Variants in DOCK5 observed in about 807,000 individuals in gnomAD.
The protein encoded by DOCK5 is dedicator of cytokinesis protein 5.
DOCK5 carries 142 observed loss-of-function variants against 251.8 expected under a neutral mutation model. The observed-to-expected ratio is 0.56, with a 90% CI of 0.49 to 0.65. The LOEUF is 0.65. Among genes scored for constraint, DOCK5 ranks in the 30% least tolerant of loss-of-function variants. The pLI is 0.00. For missense variants in DOCK5, 2,111 were observed against 2,312.3 expected, an observed-to-expected ratio of 0.91 and a Z score of 1.79; for synonymous variants, 842 against 835.5, an observed-to-expected ratio of 1.01 and a Z score of -0.13.
chr8:25,296,690 A>T, intron 7 of DOCK5, 42 bp downstream of exon 7: 1 of 1,601,058 alleles, frequency 6.2e-7, no homozygotes, highest in Non-Finnish European at 8.5e-7. Flanking sequence ...CTGAGGTTCC[A>T]TTTTTGCCTT....
At chr8:25,353,963 G>A (rs776526582) in intron 27 of DOCK5, among the ~76,000 whole-genome samples, 11 of 149,530 alleles carry the variant, frequency 7.4e-5, no homozygotes, top group Non-Finnish European at 1.5e-4. Flanking sequence ...TGGAGGTTGA[G>A]GTTGCAATGA....
chr8:25,310,589 A>T lies in DOCK5; in HGVS notation c.1318+57A>T, dbSNP rs371343115. On this transcript the variant is annotated intron_variant, in intron 13 of 51. Coordinates refer to ENST00000276440, the MANE Select transcript of DOCK5 (RefSeq NM_024940.8). ...TCCTCCTGTTCAGCGATTATTTCTTATTGGACGGTGGAGGCAACTTGGATC... is the reference window on the plus strand; with the variant it reads ...TCCTCCTGTTCAGCGATTATTTCTTTTTGGACGGTGGAGGCAACTTGGATC... 5.9e-6 allele frequency: 9 copies of T among 1,518,942 alleles called. No homozygotes were observed. In the East Asian group the frequency reaches 1.6e-4, roughly 27 times the overall value. 94.1% of individuals were successfully genotyped at this position (1,518,942 alleles called of 1,614,324 possible).
chr8:25,380,908 A>G (rs1485315959), intron 39 of DOCK5, among the ~76,000 whole-genome samples: 1 of 151,356 alleles, frequency 6.6e-6, no homozygotes, highest in African/African-American at 2.4e-5. Flanking sequence ...CCGAATGCCC[A>G]GTGGAGGCAG....
chr8:25,285,151 A>AT (rs565538905), intron 5 of DOCK5, among the ~76,000 whole-genome samples: 3,815 of 146,240 alleles, frequency 0.026, 60 homozygotes, highest in Non-Finnish European at 0.038. Context: ...ATTTATTATT[A>AT]TTTTTTTTTT....
In DOCK5 at chr8:25,342,450, C is replaced by T. The variant is rs772051796; in HGVS notation, c.2560C>T (p.Arg854Trp). The T allele has an allele frequency of 2.9e-5, 47 of 1,601,350 alleles. No individual in the cohort carries two copies. Among genetic ancestry groups the T allele is most frequent in the East Asian group, 2.9e-4 (13 of 44,504 alleles). ...IQSIPDNQLV[R>W]QKLNCMTKIV... ...AAGCATTCCTGACAACCAGCTGGTT[C>T]GGCAGAAACTTAACTGCATGACCAA... Residue 854 changes from arginine to tryptophan, a missense_variant, in exon 25 of 52, where the codon CGG becomes TGG. Arg to Trp is a moderately radical substitution (Grantham distance 101). Transcript: ENST00000276440.
At chr8:25,372,832 G>A (rs2117287323) in intron 35 of DOCK5, 114 bp downstream of exon 35, 1 of 1,038,876 alleles carries the variant, frequency 9.6e-7, no homozygotes, top group Non-Finnish European at 1.4e-6. Context: ...GCACCTTTGT[G>A]GAGCCGGTGT....
chr8:25,219,796 C>A (rs552760271), intron 1 of DOCK5, among the ~76,000 whole-genome samples: 1 of 150,896 alleles, frequency 6.6e-6, no homozygotes, highest in South Asian at 2.1e-4. Context: ...GTTCTAAAAT[C>A]TTCTCTTTAT....
At chr8:25,327,315 C>CA (rs575824611) in intron 18 of DOCK5, among the ~76,000 whole-genome samples, 16 of 152,008 alleles carry the variant, frequency 1.1e-4, no homozygotes, top group Non-Finnish European at 1.0e-4. Flanking sequence ...TATGAAATGT[C>CA]AAAATGTTAT....
At position 25,327,911 on chromosome 8, in the gene DOCK5, A is replaced by G. The variant is rs562859046; in HGVS notation, c.1903+2364A>G. Among the ~76,000 whole-genome samples, 131 of 152,234 alleles carry G rather than the reference A, an allele frequency of 8.6e-4. 4 individuals are homozygous for G. In the South Asian group the frequency reaches 0.026, roughly 31 times the overall value. On this transcript the variant is annotated intron_variant, in intron 18 of 51. Coordinates refer to ENST00000276440, the MANE Select transcript of DOCK5 (RefSeq NM_024940.8). ...TTCTCACCACCAAACAATAAGTGAGATAATGTGTGTGTTAATTACCTTGAT... is the reference window on the plus strand; with the variant it reads ...TTCTCACCACCAAACAATAAGTGAGGTAATGTGTGTGTTAATTACCTTGAT...
At chr8:25,318,763 G>A (rs1013162244) in intron 14 of DOCK5, among the ~76,000 whole-genome samples, 2 of 151,934 alleles carry the variant, frequency 1.3e-5, no homozygotes, top group African/African-American at 2.4e-5. Context: ...CGTATGAGCC[G>A]TAGTTAACTG....
At chr8:25,190,782 T>TTTTTTTTTTTTG (rs1801563446) in intron 1 of DOCK5, among the ~76,000 whole-genome samples, 1 of 100,260 alleles carries the variant, frequency 1.0e-5, no homozygotes, top group Non-Finnish European at 2.2e-5. Context: ...ATGGGTTTTT[T>TTTTTTTTTTTTG]TTTTTTTTTT....
intron 31 of DOCK5, among the ~76,000 whole-genome samples, 192 bp downstream of exon 31, chr8:25,367,162 A>G (rs570647196): frequency 1.3e-5 from 2 of 152,314 alleles, no homozygotes; most frequent in Admixed American, 6.5e-5. Context: ...AGGCCCAACC[A>G]TCTTCCCATC....
chr8:25,187,778 C>T (rs1352353795), intron 1 of DOCK5, among the ~76,000 whole-genome samples: 1 of 152,132 alleles, frequency 6.6e-6, no homozygotes, highest in East Asian at 1.9e-4. Flanking sequence ...ACATACCCTG[C>T]AGAGTCCCTC....
At chr8:25,382,594 A>T (rs1801088031) in intron 39 of DOCK5, 80 bp from the exon 40 acceptor site, 1 of 1,184,252 alleles carries the variant, frequency 8.4e-7, no homozygotes, top group Non-Finnish European at 1.2e-6. Context: ...GTGGGAAACA[A>T]CAAAACAAAG....
At chr8:25,235,826 G>A (rs1249730438) in intron 1 of DOCK5, among the ~76,000 whole-genome samples, 1 of 132,962 alleles carries the variant, frequency 7.5e-6, no homozygotes, top group Non-Finnish European at 1.5e-5. Context: ...TTGAAACGGA[G>A]TCTCACTGTC....
At chr8:25,382,819 G>A (rs554774966) in intron 40 of DOCK5, 41 bp downstream of exon 40, 7 of 1,506,338 alleles carry the variant, frequency 4.6e-6, no homozygotes, top group Admixed American at 3.8e-5. Context: ...ATTAGGAGGA[G>A]GGAAGAGACT....
At chr8:25,240,136 T>C (rs1193088310) in intron 1 of DOCK5, among the ~76,000 whole-genome samples, 1 of 152,138 alleles carries the variant, frequency 6.6e-6, no homozygotes, top group Non-Finnish European at 1.5e-5. Flanking sequence ...TGGCCACTCA[T>C]CAGGCCTGCA....
intron 48 of DOCK5, among the ~76,000 whole-genome samples, chr8:25,406,452 C>T (rs1256282935): frequency 1.3e-5 from 2 of 152,074 alleles, no homozygotes; most frequent in Non-Finnish European, 2.9e-5. Flanking sequence ...TAAAAATAAC[C>T]TACCTGAATG....
In DOCK5 at chr8:25,217,419, A is replaced by G. The variant is rs114805288; in HGVS notation, c.44-26255A>G. Among the ~76,000 whole-genome samples, 900 of 152,242 alleles carry G rather than the reference A, an allele frequency of 5.9e-3. 13 individuals are homozygous for G. The highest frequency in any genetic ancestry group is 0.021 in the African/African-American group (864 of 41,518). On this transcript the variant is annotated intron_variant, in intron 1 of 51. Transcript: ENST00000276440. Reference sequence around the variant, plus strand: ...GGAACTGAAGTTAGGGGTTTGAGTCACCATGAGTTTACTGAAGTTACTACC... The same window carrying G: ...GGAACTGAAGTTAGGGGTTTGAGTCGCCATGAGTTTACTGAAGTTACTACC...
Sources: allele counts gnomAD v4.1 joint callset (sites outside exome capture counted in the v4.1 genomes callset), GRCh38; gene constraint gnomAD v4.1.1; transcripts MANE v1.5; gene names NCBI Gene and HGNC (gene_info 2026-07-23, HGNC 2026-07-21).